GRID2: variants seen among roughly 807,000 people sequenced by gnomAD.
GRID2 encodes glutamate receptor ionotropic, delta-2.
In GRID2, 33 loss-of-function variants were observed where a neutral mutation model predicts 114.8. The observed-to-expected ratio is 0.29, with a 90% CI of 0.22 to 0.38. GRID2 has a LOEUF of 0.38. Ranked by LOEUF, GRID2 falls within the 10% of genes least tolerant of loss-of-function variation. The pLI, the probability that GRID2 is intolerant of heterozygous loss-of-function variation, is 1.00. For synonymous variants in GRID2, 505 were observed against 449.9 expected, an observed-to-expected ratio of 1.12 and a Z score of -1.55; for missense variants, 1,184 against 1,257.7, an observed-to-expected ratio of 0.94 and a Z score of 0.89.
chr4:93,024,533 G>A (rs1280551232), intron 2 of GRID2, among the ~76,000 whole-genome samples: 2 of 151,642 alleles, frequency 1.3e-5, no homozygotes, highest in African/African-American at 2.4e-5. Context: ...TTAGCAGAAA[G>A]CATGAAGACT....
At chr4:92,752,564 A>G (rs1737504852) in intron 2 of GRID2, among the ~76,000 whole-genome samples, 1 of 152,168 alleles carries the variant, frequency 6.6e-6, no homozygotes, top group Non-Finnish European at 1.5e-5. Context: ...ATATTTTAGG[A>G]TATCTGTGAA....
At chr4:93,172,631 T>C (rs1424876725) in intron 4 of GRID2, among the ~76,000 whole-genome samples, 1 of 151,912 alleles carries the variant, frequency 6.6e-6, no homozygotes, top group African/African-American at 2.4e-5. Flanking sequence ...ACAGTTGCTA[T>C]TGGAAAATAT....
At chr4:92,441,746 T>C (rs929535986) in intron 1 of GRID2, among the ~76,000 whole-genome samples, 46 of 152,038 alleles carry the variant, frequency 3.0e-4, no homozygotes, top group African/African-American at 9.9e-4. Context: ...TAGGTTTTAA[T>C]GAGATGGTAA....
intron 4 of GRID2, among the ~76,000 whole-genome samples, chr4:93,183,098 G>C (rs1202445672): frequency 6.6e-6 from 1 of 152,064 alleles, no homozygotes; most frequent in Non-Finnish European, 1.5e-5. Context: ...AAGTAAATCA[G>C]GTGCCTGATA....
intron 2 of GRID2, among the ~76,000 whole-genome samples, chr4:92,955,078 A>G (rs201575564): frequency 0.42 from 36,969 of 88,114 alleles, 7,580 homozygotes; most frequent in Middle Eastern, 0.64. Flanking sequence ...ATAAACATAC[A>G]TGTGCATGTG....
chr4:93,403,324 C>T (rs11727464), intron 9 of GRID2, among the ~76,000 whole-genome samples: 56,414 of 151,764 alleles, frequency 0.37, 11,512 homozygotes, highest in East Asian at 0.68. Flanking sequence ...ACACAGTTCC[C>T]ACAGTTTCAC....
intron 2 of GRID2, among the ~76,000 whole-genome samples, chr4:92,938,881 A>G (rs1750878498): frequency 6.8e-6 from 1 of 146,794 alleles, no homozygotes; most frequent in African/African-American, 2.4e-5. Flanking sequence ...ATGTCCCTAC[A>G]AAGGACATGA....
At chr4:93,768,615 C>T (rs1733866125) in intron 14 of GRID2, among the ~76,000 whole-genome samples, 1 of 152,012 alleles carries the variant, frequency 6.6e-6, no homozygotes, top group Admixed American at 6.5e-5. Flanking sequence ...ATCAGTTGTG[C>T]GAAAAACCAA....
At chr4:93,323,169 T>C (rs1757428105) in intron 8 of GRID2, among the ~76,000 whole-genome samples, 1 of 152,216 alleles carries the variant, frequency 6.6e-6, no homozygotes, top group African/African-American at 2.4e-5. Context: ...CTAGGGTTTT[T>C]ATGGTTTTAG....
At chr4:93,120,119 A>G (rs1221290161) in intron 4 of GRID2, among the ~76,000 whole-genome samples, 1 of 152,196 alleles carries the variant, frequency 6.6e-6, no homozygotes, top group South Asian at 2.1e-4. Flanking sequence ...GGATGTGGAG[A>G]AATAGGAACA....
At chr4:92,996,779 G>T (rs1204349085) in intron 2 of GRID2, among the ~76,000 whole-genome samples, 1 of 151,990 alleles carries the variant, frequency 6.6e-6, no homozygotes, top group African/African-American at 2.4e-5. Context: ...CAGGCCTAAT[G>T]TCTTGTAGCA....
intron 14 of GRID2, among the ~76,000 whole-genome samples, chr4:93,671,077 A>C (rs1251752831): frequency 6.6e-6 from 1 of 152,124 alleles, no homozygotes; most frequent in African/African-American, 2.4e-5. Context: ...TAGCTAAGCA[A>C]TACACCCCAA....
chr4:92,353,982 A>C lies in GRID2; in HGVS notation c.88+49238A>C, dbSNP rs146158085. ...TCCGCAGAATGTTTTGCAGCCTTGC[A>C]ATGTTTTCAAGAAATGCCGAAACTT... On this transcript the variant is annotated intron_variant, in intron 1 of 15. Transcript: ENST00000282020. 5.3e-3 allele frequency among the ~76,000 whole-genome samples: 810 copies of C among 152,148 alleles called. 5 individuals are homozygous for C. The highest frequency in any genetic ancestry group is 0.03 in the South Asian group (143 of 4,828).
intron 2 of GRID2, among the ~76,000 whole-genome samples, chr4:92,672,836 T>C (rs12640641): frequency 0.061 from 9,267 of 152,222 alleles, 341 homozygotes; most frequent in East Asian, 0.16. Flanking sequence ...TATTTAATTG[T>C]TCTCTTTGAA....
At chr4:92,826,004 G>C (rs1560617880) in intron 2 of GRID2, among the ~76,000 whole-genome samples, 1 of 152,118 alleles carries the variant, frequency 6.6e-6, no homozygotes, top group Non-Finnish European at 1.5e-5. Flanking sequence ...CAGTACAGCA[G>C]CCAGAGTGAT....
rs957612916 is a variant in GRID2, at chr4:93,056,966, T to C, written c.245-28029T>C. 2.0e-5 allele frequency among the ~76,000 whole-genome samples: 3 copies of C among 152,038 alleles called. No individual in the cohort carries two copies. The East Asian group carries it at 5.8e-4, about 29-fold the overall frequency. The stretch of plus-strand genomic sequence containing the variant: ...TAATAGAAAATTGTTCTGAGTTTAA[T>C]ATTCTGGACAGAATTTTATAAATCC... On this transcript the variant is annotated intron_variant, in intron 2 of 15. Transcript: ENST00000282020.
intron 1 of GRID2, among the ~76,000 whole-genome samples, chr4:92,559,887 A>C (rs1300799428): frequency 1.3e-5 from 2 of 152,196 alleles, no homozygotes. Context: ...GTCATTGCCT[A>C]ATAATTAATT....
At chr4:92,825,950 A>G (rs1414838727) in intron 2 of GRID2, among the ~76,000 whole-genome samples, 1 of 152,062 alleles carries the variant, frequency 6.6e-6, no homozygotes, top group Non-Finnish European at 1.5e-5. Context: ...TTGTAGCTGA[A>G]AGTATCCTGA....
chr4:93,754,450 C>T (rs573402186), intron 14 of GRID2, among the ~76,000 whole-genome samples: 5 of 152,226 alleles, frequency 3.3e-5, no homozygotes, highest in African/African-American at 9.6e-5. Flanking sequence ...ACAGTATGTC[C>T]ATTTGTTATA....
Sources: allele counts gnomAD v4.1 joint callset (sites outside exome capture counted in the v4.1 genomes callset), GRCh38; gene constraint gnomAD v4.1.1; transcripts MANE v1.5; gene names NCBI Gene and HGNC (gene_info 2026-07-23, HGNC 2026-07-21).